Variants in REPS2 observed in about 807,000 individuals in gnomAD.
REPS2 encodes the protein RALBP1 associated Eps domain containing 2.
In REPS2, 23 loss-of-function variants were observed where a neutral mutation model predicts 53.6. That is an observed-to-expected ratio of 0.43 (90% CI 0.31 to 0.61). REPS2 has a LOEUF of 0.61. REPS2 is among the 20% of genes least tolerant of loss of function. The probability of loss-of-function intolerance (pLI) is 0.11; values close to 1 mark genes in which losing one functional copy is unlikely to be tolerated. For missense variants in REPS2, 446 were observed against 534.9 expected (o/e 0.83, Z 1.64); for synonymous variants, 238 against 218.6 (o/e 1.09, Z -0.78).
chrX:16,999,971 C>T (rs1199307067), intron 1 of REPS2, among the ~76,000 whole-genome samples: 5 of 91,475 alleles, frequency 5.5e-5, no homozygotes, highest in African/African-American at 2.1e-4. Context: ...GGCGTGAACC[C>T]GGGAGGCGGA....
At chrX:17,025,219 C>G in intron 4 of REPS2, 34 bp downstream of exon 4, 1 of 1,191,238 alleles carries the variant, frequency 8.4e-7, no homozygotes, top group Non-Finnish European at 1.1e-6. Flanking sequence ...CTGTCCCAGG[C>G]AGTGTCTTAG....
the REPS2 span, among the ~76,000 whole-genome samples, chrX:17,179,207 A>T: frequency 1.8e-5 from 2 of 112,217 alleles, no homozygotes; most frequent in African/African-American, 6.5e-5. Flanking sequence ...CTCCATCAAA[A>T]GGTGGAATCT....
In REPS2 at chrX:17,147,466, G is replaced by C. The variant is rs1397691843; in HGVS notation, c.1968G>C (p.Pro656=). The change falls in exon 18 of 18, where the codon CCG becomes CCC. Residue 656 remains proline (P), a synonymous_variant. Transcript: ENST00000357277. ...AAAACCAATTGGAACAACTTCGTCC[G>C]GTCACTGTGTTGTGACCCCCCCATG... is the stretch of plus-strand genomic sequence containing the variant. ...ALENQLEQLR[P]VTVL 1 of 1,203,173 alleles carries C rather than the reference G, an allele frequency of 8.3e-7. No homozygotes were observed. Among genetic ancestry groups the C allele is most frequent in the African/African-American group, 1.7e-5 (1 of 57,593 alleles).
At chrX:17,087,332 C>G (rs1384878935) in intron 13 of REPS2, among the ~76,000 whole-genome samples, 1 of 111,842 alleles carries the variant, frequency 8.9e-6, no homozygotes, top group Non-Finnish European at 1.9e-5. Context: ...ATTATATTAG[C>G]TCAGTAAGGG....
chrX:17,181,848 G>A, the REPS2 span, among the ~76,000 whole-genome samples: 189 of 112,018 alleles, frequency 1.7e-3, no homozygotes, highest in Non-Finnish European at 2.5e-3. Context: ...TTGTTCACAT[G>A]GGTATTTTCT....
chrX:17,158,640 T>G, the REPS2 span, among the ~76,000 whole-genome samples: 1 of 112,276 alleles, frequency 8.9e-6, no homozygotes, highest in East Asian at 2.8e-4. Context: ...AATTCAGGAC[T>G]AAGAGAGTTT....
chrX:17,133,333 T>C (rs1489274979), intron 14 of REPS2, among the ~76,000 whole-genome samples: 1 of 111,786 alleles, frequency 8.9e-6, no homozygotes, highest in Non-Finnish European at 1.9e-5. Context: ...GATCTGGGGA[T>C]GCAGCAGTGC....
chrX:17,180,792 T>A, the REPS2 span, among the ~76,000 whole-genome samples: 166 of 111,858 alleles, frequency 1.5e-3, no homozygotes, highest in Non-Finnish European at 2.7e-3. Context: ...CTAATGATGA[T>A]GATTCATTAA....
At chrX:17,019,661 G>A (rs781433203) in intron 2 of REPS2, among the ~76,000 whole-genome samples, 1 of 109,994 alleles carries the variant, frequency 9.1e-6, no homozygotes, top group Admixed American at 9.7e-5. Flanking sequence ...CCATCTTTAC[G>A]AAAAATAAAA....
intron 8 of REPS2, among the ~76,000 whole-genome samples, chrX:17,062,200 C>T (rs1244038149): frequency 8.9e-6 from 1 of 112,133 alleles, no homozygotes; most frequent in African/African-American, 3.2e-5. Context: ...AGCTGTATGA[C>T]CTTGAGTAAG....
intron 3 of REPS2, among the ~76,000 whole-genome samples, chrX:17,024,122 CAAA>C (rs773392773): frequency 1.5e-5 from 1 of 65,455 alleles, no homozygotes; most frequent in Non-Finnish European, 3.2e-5. Flanking sequence ...GACCTCATTT[CAAA>C]AAAAAAAAAA....
chrX:16,952,882 T>C (rs2060533008), intron 1 of REPS2, among the ~76,000 whole-genome samples: 1 of 111,097 alleles, frequency 9.0e-6, no homozygotes, highest in Non-Finnish European at 1.9e-5. Flanking sequence ...TCCTAGCACT[T>C]TGGGAGGCCG....
chrX:16,968,722 C>T (rs1380419009), intron 1 of REPS2, among the ~76,000 whole-genome samples: 62 of 97,229 alleles, frequency 6.4e-4, no homozygotes, highest in Non-Finnish European at 1.1e-3. Context: ...CCCTCCCGGA[C>T]GGGGCGGCCG....
At chrX:17,021,756 G>A (rs2061580554) in intron 2 of REPS2, among the ~76,000 whole-genome samples, 1 of 112,301 alleles carries the variant, frequency 8.9e-6, no homozygotes, top group Non-Finnish European at 1.9e-5. Flanking sequence ...TTAATACTGT[G>A]CCTGGCATAT....
At chrX:16,979,770 G>A (rs2060998413) in intron 1 of REPS2, among the ~76,000 whole-genome samples, 1 of 110,129 alleles carries the variant, frequency 9.1e-6, no homozygotes, top group Non-Finnish European at 1.9e-5. Flanking sequence ...ATTCCTCTGA[G>A]AAAGGTTTAT....
At chrX:17,070,696 A>G (rs2062292820) in intron 11 of REPS2, among the ~76,000 whole-genome samples, 2 of 112,346 alleles carry the variant, frequency 1.8e-5, no homozygotes, top group Non-Finnish European at 3.8e-5. Flanking sequence ...TATTTCTTGT[A>G]TATTTTTAAT....
intron 5 of REPS2, among the ~76,000 whole-genome samples, chrX:17,039,799 A>G (rs774158586): frequency 8.9e-5 from 10 of 112,426 alleles, no homozygotes; most frequent in Non-Finnish European, 1.9e-4. Flanking sequence ...CTGTTCTGCA[A>G]AATGGGAATT....
the REPS2 span, among the ~76,000 whole-genome samples, chrX:17,190,426 A>T: frequency 1.8e-5 from 2 of 112,394 alleles, no homozygotes; most frequent in Non-Finnish European, 3.8e-5. Context: ...TATGTGTAGG[A>T]TCTTTATGCT....
intron 1 of REPS2, among the ~76,000 whole-genome samples, chrX:16,954,931 C>T (rs1485754159): frequency 9.4e-6 from 1 of 106,437 alleles, no homozygotes; most frequent in East Asian, 2.9e-4. Context: ...CCTGCCTCAG[C>T]CTTCTGAGTA....
Sources: gnomAD v4.1 joint callset for allele counts (sites outside exome capture counted in the v4.1 genomes callset) on GRCh38, gnomAD v4.1.1 for gene constraint, MANE v1.5 for transcripts, NCBI Gene and HGNC (gene_info 2026-07-23, HGNC 2026-07-21) for gene names.